Variants in NOP9 observed in about 807,000 individuals in gnomAD.
The protein encoded by NOP9 is nucleolar protein 9.
In NOP9, 50 loss-of-function variants were observed where a neutral mutation model predicts 63.0. That is an observed-to-expected ratio of 0.79 (90% confidence interval 0.63 to 1.00). NOP9 has a LOEUF of 1.00. NOP9 is among the 50% of genes least tolerant of loss of function. The probability of loss-of-function intolerance (pLI) is 0.00; values close to 1 mark genes in which losing one functional copy is unlikely to be tolerated. For missense variants in NOP9, 758 were observed against 803.0 expected (o/e 0.94, Z 0.68); for synonymous variants, 343 against 332.8 (o/e 1.03, Z -0.33).
chr14:24,279,428 C>T, the NOP9 span, among the ~76,000 whole-genome samples: 25 of 152,294 alleles, frequency 1.6e-4, no homozygotes, highest in South Asian at 5.0e-3. Context: ...CACTTCCTGG[C>T]TGGGGAAGAA....
chr14:24,274,634 G>A, the NOP9 span, among the ~76,000 whole-genome samples: 19 of 147,810 alleles, frequency 1.3e-4, no homozygotes, highest in Non-Finnish European at 2.8e-4. Context: ...TTTTTGAGAC[G>A]GAGTCTCGTT....
chr14:24,306,696 G>T lies in NOP9; in HGVS notation c.*1601G>T. ...TCTCCGTGTTCTTCAGTTTTTGGGG[G>T]ATCCTAGCTAGAGGCTGACCTTTTT... On this transcript the variant is annotated 3_prime_UTR_variant, in exon 10 of 10. Coordinates refer to ENST00000267425, the MANE Select transcript of NOP9 (RefSeq NM_174913.3). The T allele has an allele frequency of 4.1e-6, 3 of 731,628 alleles. No individual in the cohort carries two copies. The highest frequency in any genetic ancestry group is 1.8e-5 in the South Asian group (1 of 54,318). 45.3% of individuals were successfully genotyped at this position (731,628 alleles called of 1,614,324 possible).
Position 24,305,297 on chromosome 14 carries a change from G to A in NOP9, c.*202G>A. 1 of 589,984 alleles carries A rather than the reference G, an allele frequency of 1.7e-6. No homozygotes were observed. Among genetic ancestry groups the A allele is most frequent in the South Asian group, 3.3e-5 (1 of 30,484 alleles). The allele number at this position is 589,984 out of a possible 1,614,324, so 36.5% of individuals were successfully genotyped here. A position where few individuals can be genotyped will look rare whatever the true frequency, so the allele number is the denominator to read the frequency against. On this transcript the variant is annotated 3_prime_UTR_variant, in exon 10 of 10. Transcript: ENST00000267425. ...CAGAGAGGGCTGTCATCAGTATGCTGGGGAGTTTAGGGACAGGAGGCATTG... is the reference window on the plus strand; with the variant it reads ...CAGAGAGGGCTGTCATCAGTATGCTAGGGAGTTTAGGGACAGGAGGCATTG...
chr14:24,295,561 G>A (rs1474731075), upstream of NOP9, among the ~76,000 whole-genome samples: 1 of 152,192 alleles, frequency 6.6e-6, no homozygotes, highest in East Asian at 1.9e-4. Flanking sequence ...CCAAGGTCGA[G>A]GGTCTGGGCC....
chr14:24,297,617 A>G (rs2041274354), upstream of NOP9, among the ~76,000 whole-genome samples: 1 of 152,028 alleles, frequency 6.6e-6, no homozygotes, highest in African/African-American at 2.4e-5. Flanking sequence ...TAAAACACAA[A>G]CCCTGTTCAA....
upstream of NOP9, among the ~76,000 whole-genome samples, chr14:24,295,341 T>G (rs1300731945): frequency 6.6e-6 from 1 of 152,172 alleles, no homozygotes; most frequent in African/African-American, 2.4e-5. Flanking sequence ...CACACATAAC[T>G]TGGTAACCAG....
chr14:24,297,097 T>C (rs578098777), upstream of NOP9, among the ~76,000 whole-genome samples: 1 of 152,366 alleles, frequency 6.6e-6, no homozygotes, highest in South Asian at 2.1e-4. Flanking sequence ...TGAATTGCAA[T>C]GTAAGTTTTA....
chr14:24,303,633 G>A, intron 6 of NOP9, 99 bp from the exon 7 acceptor site: 1 of 1,230,402 alleles, frequency 8.1e-7, no homozygotes, highest in Non-Finnish European at 1.2e-6. Flanking sequence ...ACATTCTTGT[G>A]GAGTTGGGCC....
the NOP9 span, chr14:24,292,861 C>T: frequency 6.6e-7 from 1 of 1,514,084 alleles, no homozygotes. Context: ...GGCGGCTTCC[C>T]CTGCCTTCTG....
chr14:24,272,930 CGAG>C, the NOP9 span, among the ~76,000 whole-genome samples: 1 of 152,196 alleles, frequency 6.6e-6, no homozygotes, highest in Non-Finnish European at 1.5e-5. Flanking sequence ...AGTGGCACCT[CGAG>C]GAAGTTCTCT....
At chr14:24,273,352 T>C in the NOP9 span, among the ~76,000 whole-genome samples, 2 of 152,128 alleles carry the variant, frequency 1.3e-5, no homozygotes, top group Admixed American at 1.3e-4. Context: ...CTGATTTTTG[T>C]AGTTTTAGAA....
intron 6 of NOP9, 62 bp downstream of exon 6, chr14:24,303,276 TATCTA>T (rs2041410362): frequency 9.4e-6 from 15 of 1,599,658 alleles, no homozygotes; most frequent in Non-Finnish European, 1.2e-5. Flanking sequence ...TTTTAGGACT[TATCTA>T]ATCTTAAGTT....
Position 24,300,841 on chromosome 14 carries a change from T to C in NOP9, c.681T>C (p.Arg227=). The C allele has an allele frequency of 6.2e-7, 1 of 1,612,946 alleles. No homozygotes were observed. The highest frequency in any genetic ancestry group is 8.5e-7 in the Non-Finnish European group (1 of 1,179,198). ...TILESERARP[R]GSQSSEAQKT... ...TGGAGTCTGAGAGAGCCAGGCCCCG[T>C]GGTTCCCAATCATCTGGTAAGTATT... Residue 227 remains arginine (R), a synonymous_variant, in exon 2 of 10, where the codon CGT becomes CGC. Coordinates refer to ENST00000267425, the MANE Select transcript of NOP9 (RefSeq NM_174913.3).
At position 24,305,844 on chromosome 14, in the gene NOP9, T is replaced by C; in HGVS notation, c.*749T>C. On this transcript the variant is annotated 3_prime_UTR_variant, in exon 10 of 10. Coordinates refer to ENST00000267425, the MANE Select transcript of NOP9 (RefSeq NM_174913.3). Reference sequence around the variant, plus strand: ...CCATCAAGCTGGGAGATGAGGACTTTCCACAAGCAAGAGCTAACTAGGGGT... The same window carrying C: ...CCATCAAGCTGGGAGATGAGGACTTCCCACAAGCAAGAGCTAACTAGGGGT... The C allele has an allele frequency of 6.3e-7, 1 of 1,590,016 alleles. No homozygotes were observed. The highest frequency in any genetic ancestry group is 1.7e-5 in the Admixed American group (1 of 58,284).
upstream of NOP9, among the ~76,000 whole-genome samples, chr14:24,295,013 T>G (rs986305225): frequency 6.6e-6 from 1 of 152,210 alleles, no homozygotes; most frequent in Non-Finnish European, 1.5e-5. Flanking sequence ...CTTTAAAAAG[T>G]ACATATTCTT....
At chr14:24,278,183 CGGAGGTGGGGCCAGTGAAGTCACATACCT>C in the NOP9 span, among the ~76,000 whole-genome samples, 2 of 152,180 alleles carry the variant, frequency 1.3e-5, no homozygotes, top group East Asian at 1.9e-4. Context: ...GTCACATACC[CGGAGGTGGGGCCAGTGAAGTCACATACCT>C]GGAGGTGGGG....
chr14:24,293,339 C>T, the NOP9 span: 31 of 152,846 alleles, frequency 2.0e-4, no homozygotes, highest in Middle Eastern at 6.7e-3. Context: ...CTTTGGGAGG[C>T]GAGGGGGGCA....
chr14:24,292,592 G>A, the NOP9 span: 1 of 1,613,594 alleles, frequency 6.2e-7, no homozygotes, highest in African/African-American at 1.3e-5. Flanking sequence ...TGTACCTCCT[G>A]AGCTATAGGT....
the NOP9 span, among the ~76,000 whole-genome samples, chr14:24,288,516 G>T: frequency 1.3e-5 from 2 of 151,954 alleles, no homozygotes; most frequent in African/African-American, 4.8e-5. Context: ...TGCCTGGCTA[G>T]TTTTTGTATT....
Sources: gnomAD v4.1 joint callset for allele counts (sites outside exome capture counted in the v4.1 genomes callset) on GRCh38, gnomAD v4.1.1 for gene constraint, MANE v1.5 for transcripts, NCBI Gene and HGNC (gene_info 2026-07-23, HGNC 2026-07-21) for gene names.